SUMF1: variants seen among roughly 807,000 people sequenced by gnomAD.
SUMF1 encodes sulfatase modifying factor 1.
A neutral mutation model predicts 47.6 loss-of-function variants in SUMF1; 48 were observed. That is an observed-to-expected ratio of 1.01 (90% CI 0.80 to 1.28). SUMF1 has a LOEUF of 1.28. Among genes scored for constraint, SUMF1 ranks in the 50% most tolerant of loss-of-function variants. The pLI is 0.00. For synonymous variants in SUMF1, 230 were observed against 192.1 expected (o/e 1.20, Z -1.63); for missense variants, 571 against 485.4 (o/e 1.18, Z -1.66).
At chr3:4,318,298 C>G (rs376234001) in intron 8 of SUMF1, among the ~76,000 whole-genome samples, 2 of 151,736 alleles carry the variant, frequency 1.3e-5, no homozygotes, top group Admixed American at 6.6e-5. Context: ...GTTTAACATA[C>G]GAAAATCAGT....
chr3:4,349,864 A>G lies in SUMF1; in HGVS notation c.1014+26466T>C, dbSNP rs986184632. ...TAGGAGGTGAAGGGAAGGAAGTTGG[A>G]GGATGGGTCAATAGGCGCAGCAAAC... On this transcript the variant is annotated intron_variant and NMD_transcript_variant, in intron 8 of 12. Transcript: ENST00000448413. Among the ~76,000 whole-genome samples, 3 of 152,002 alleles carry G rather than the reference A, an allele frequency of 2.0e-5. No individual in the cohort carries two copies. The East Asian group carries it at 5.8e-4, about 29-fold the overall frequency.
chr3:4,086,575 A>G (rs1398267625), intron 8 of SUMF1, among the ~76,000 whole-genome samples: 1 of 152,148 alleles, frequency 6.6e-6, no homozygotes, highest in Non-Finnish European at 1.5e-5. Flanking sequence ...TGCTCTGCTT[A>G]TCTTACAGGG....
At chr3:4,103,956 G>T (rs3913299) in intron 8 of SUMF1, among the ~76,000 whole-genome samples, 17,546 of 152,108 alleles carry the variant, frequency 0.12, 2,034 homozygotes, top group African/African-American at 0.28. Flanking sequence ...AAAATTTTCT[G>T]TGGTTAACCT....
intron 8 of SUMF1, among the ~76,000 whole-genome samples, chr3:4,302,545 T>G (rs1479152587): frequency 6.6e-6 from 1 of 152,138 alleles, no homozygotes; most frequent in African/African-American, 2.4e-5. Flanking sequence ...GCTGGCTGGC[T>G]TTTCCTGAAT....
chr3:4,443,547 T>C (rs1391902871), intron 3 of SUMF1, among the ~76,000 whole-genome samples: 1 of 152,128 alleles, frequency 6.6e-6, no homozygotes, highest in African/African-American at 2.4e-5. Flanking sequence ...AAGGATTGCT[T>C]GAGCCCAGGA....
At chr3:4,450,889 A>G (rs1413740562) in intron 2 of SUMF1, among the ~76,000 whole-genome samples, 1 of 152,078 alleles carries the variant, frequency 6.6e-6, no homozygotes, top group Non-Finnish European at 1.5e-5. Context: ...TAGAAACAAA[A>G]CCAGCAGGGC....
intron 9 of SUMF1, among the ~76,000 whole-genome samples, chr3:4,050,939 C>T (rs918952017): frequency 1.3e-5 from 2 of 151,814 alleles, no homozygotes. Context: ...TTTAATTCCT[C>T]CAAATATATT....
chr3:4,105,856 T>A (rs765599130), intron 8 of SUMF1, among the ~76,000 whole-genome samples: 10 of 152,248 alleles, frequency 6.6e-5, no homozygotes, highest in Non-Finnish European at 1.2e-4. Context: ...TCCAAGGACA[T>A]TATTATTCTA....
intron 8 of SUMF1, among the ~76,000 whole-genome samples, chr3:4,080,833 G>A (rs759737882): frequency 1.3e-5 from 2 of 152,134 alleles, no homozygotes; most frequent in Non-Finnish European, 2.9e-5. Flanking sequence ...AGACTTTCCT[G>A]ATGTCTTTCA....
At chr3:4,303,246 G>A (rs1244962626) in intron 8 of SUMF1, 3 of 1,094,254 alleles carry the variant, frequency 2.7e-6, no homozygotes, top group Admixed American at 4.0e-5. Flanking sequence ...GCGCCTTCCA[G>A]GCCACTCCTG....
intron 8 of SUMF1, among the ~76,000 whole-genome samples, chr3:4,214,570 A>G (rs1695874970): frequency 6.6e-6 from 1 of 152,198 alleles, no homozygotes. Context: ...GCAGAACTGA[A>G]GGAGACAGAG....
intron 8 of SUMF1, among the ~76,000 whole-genome samples, chr3:4,214,611 C>T (rs574169085): frequency 5.9e-5 from 9 of 152,052 alleles, no homozygotes; most frequent in Admixed American, 2.6e-4. Context: ...AATCAATGAA[C>T]CCAGGAGCTG....
intron 8 of SUMF1, among the ~76,000 whole-genome samples, chr3:4,166,819 A>G (rs1318533800): frequency 6.6e-6 from 1 of 152,066 alleles, no homozygotes; most frequent in African/African-American, 2.4e-5. Context: ...AGCTCAGTCC[A>G]GAAGTATAGG....
intron 1 of SUMF1, among the ~76,000 whole-genome samples, chr3:4,455,601 C>G (rs759430650): frequency 2.2e-4 from 33 of 152,154 alleles, no homozygotes; most frequent in Non-Finnish European, 4.0e-4. Context: ...CCTGTAATCC[C>G]AGCCACTTGG....
rs556385631 is a variant in SUMF1 at position 4,166,682 on chromosome 3, C to T, written c.1015-97937G>A. ...AGGACCCAGGAGGCAAGGGTCAGAA[C>T]AGATAGGACAGATGGGCGAGTCTCA... On this transcript the variant is annotated intron_variant and NMD_transcript_variant, in intron 8 of 12. Transcript: ENST00000448413. Among the ~76,000 whole-genome samples the T allele has an allele frequency of 2.6e-5, 4 of 152,206 alleles. No individual in the cohort carries two copies. In the East Asian group the frequency reaches 7.8e-4, roughly 30 times the overall value.
At chr3:4,376,556 G>A (rs1239150683) in intron 7 of SUMF1, among the ~76,000 whole-genome samples, 167 bp from the exon 8 acceptor site, 1 of 152,060 alleles carries the variant, frequency 6.6e-6, no homozygotes, top group East Asian at 1.9e-4. Flanking sequence ...TCTCCCAAAT[G>A]CTCACCTCCC....
Position 4,404,415 on chromosome 3 carries a change from GT to G in SUMF1, c.954+6449del, listed in dbSNP as rs1701310175. On this transcript the variant is annotated intron_variant, in intron 7 of 8. Coordinates refer to ENST00000272902, the MANE Select transcript of SUMF1 (RefSeq NM_182760.4). ...TTTTTTCATTTTGAACATTAGGTTA[GT>G]TCTCTATCAAACTGATTTATTCATG... Among the ~76,000 whole-genome samples the G allele has an allele frequency of 2.6e-5, 4 of 152,068 alleles. No individual in the cohort carries two copies. The South Asian group carries it at 8.3e-4, about 32-fold the overall frequency.
rs1397959273 is a variant in SUMF1, at chr3:4,361,236, A to T, written c.*908T>A. On this transcript the variant is annotated 3_prime_UTR_variant, in exon 9 of 9. Coordinates refer to ENST00000272902, the MANE Select transcript of SUMF1 (RefSeq NM_182760.4). ...AACAAGGTTTCCTATTCCCTATTAC[A>T]AAATACCGGATACCCTGAATATAGC... is the stretch of plus-strand genomic sequence containing the variant. 6.6e-6 allele frequency: 1 copy of T among 152,574 alleles called. No homozygotes were observed. Among genetic ancestry groups the T allele is most frequent in the Non-Finnish European group, 1.5e-5 (1 of 68,040 alleles). 9.5% of individuals were successfully genotyped at this position (152,574 alleles called of 1,614,324 possible). A position where few individuals can be genotyped will look rare whatever the true frequency, so the allele number is the denominator to read the frequency against.
chr3:4,343,206 T>C (rs1699307653), intron 8 of SUMF1, among the ~76,000 whole-genome samples: 1 of 152,212 alleles, frequency 6.6e-6, no homozygotes, highest in African/African-American at 2.4e-5. Context: ...CATAAGGTCC[T>C]TGGCCTACAG....
Sources: allele counts gnomAD v4.1 joint callset (sites outside exome capture counted in the v4.1 genomes callset), GRCh38; gene constraint gnomAD v4.1.1; transcripts MANE v1.5; gene names NCBI Gene and HGNC (gene_info 2026-07-23, HGNC 2026-07-21).